Variants in RUFY4 observed in about 807,000 individuals in gnomAD.
RUFY4 encodes the protein RUN and FYVE domain-containing protein 4.
Under a neutral mutation model 69.0 loss-of-function variants are expected in RUFY4, and 73 were observed. The ratio of observed to expected loss-of-function variants is 1.06; its 90% CI spans 0.88 to 1.29. The LOEUF is 1.29. Among genes scored for constraint, RUFY4 ranks in the 50% most tolerant of loss-of-function variants. RUFY4 has a pLI of 0.00. For missense variants in RUFY4, 770 were observed against 705.6 expected, an observed-to-expected ratio of 1.09 and a Z score of -1.03; for synonymous variants, 287 against 271.8, an observed-to-expected ratio of 1.06 and a Z score of -0.55.
At chr2:218,086,374 C>T (rs544951982) in intron 9 of RUFY4, among the ~76,000 whole-genome samples, 1 of 152,082 alleles carries the variant, frequency 6.6e-6, no homozygotes, top group Non-Finnish European at 1.5e-5. Context: ...AAAAACAAAA[C>T]AAACAAAGCC....
At chr2:218,075,394 G>A (rs1173969448) in exon 7 of RUFY4, 4 of 1,613,118 alleles carry the variant, frequency 2.5e-6, no homozygotes, top group East Asian at 4.5e-5. Flanking sequence ...CAGGGGAAGG[G>A]GGCTATGGGC....
chr2:218,051,949 T>A (rs1042689036), intron 2 of RUFY4, among the ~76,000 whole-genome samples: 1 of 152,248 alleles, frequency 6.6e-6, no homozygotes, highest in Non-Finnish European at 1.5e-5. Flanking sequence ...TTAAATTTTC[T>A]ACATAATTTC....
intron 2 of RUFY4, among the ~76,000 whole-genome samples, chr2:218,054,205 C>A (rs938286700): frequency 6.6e-6 from 1 of 152,160 alleles, no homozygotes; most frequent in African/African-American, 2.4e-5. Flanking sequence ...CATCTGCAAT[C>A]AGATTCATAA....
chr2:218,067,620 G>A (rs935936680), upstream of RUFY4, among the ~76,000 whole-genome samples: 1 of 152,144 alleles, frequency 6.6e-6, no homozygotes, highest in Non-Finnish European at 1.5e-5. Context: ...GAGGAGGGAG[G>A]GAGTCACAGG....
At chr2:218,036,363 C>A (rs1408871299) in intron 2 of RUFY4, among the ~76,000 whole-genome samples, 2 of 152,156 alleles carry the variant, frequency 1.3e-5, no homozygotes, top group African/African-American at 4.8e-5. Flanking sequence ...GGCAGTGAGA[C>A]TCAGGGTTCT....
intron 3 of RUFY4, chr2:218,060,954 G>A: frequency 2.4e-6 from 2 of 843,700 alleles, no homozygotes; most frequent in Middle Eastern, 2.2e-4. Context: ...GCGCTGCTGG[G>A]TCAGTGTGCG....
intron 2 of RUFY4, among the ~76,000 whole-genome samples, chr2:218,048,497 T>G (rs774713563): frequency 4.6e-5 from 7 of 152,224 alleles, no homozygotes; most frequent in Middle Eastern, 3.2e-3. Flanking sequence ...GTTTTCATCA[T>G]GAAATCTTTG....
chr2:218,075,506 G>C, exon 7 of RUFY4: 1 of 1,576,000 alleles, frequency 6.3e-7, no homozygotes, highest in Non-Finnish European at 8.6e-7. Flanking sequence ...AGGAAGCAGA[G>C]TGGAGTCACG....
intron 8 of RUFY4, among the ~76,000 whole-genome samples, chr2:218,077,613 G>T (rs1185310784): frequency 2.6e-5 from 4 of 152,114 alleles, no homozygotes; most frequent in Non-Finnish European, 5.9e-5. Context: ...CTGCCCACCT[G>T]CCCCTGTCTC....
chr2:218,038,995 G>A (rs1279708814), intron 2 of RUFY4, among the ~76,000 whole-genome samples: 1 of 152,116 alleles, frequency 6.6e-6, no homozygotes, highest in African/African-American at 2.4e-5. Flanking sequence ...GGGAGAGTGG[G>A]CAATCGGTTG....
chr2:218,081,490 A>G (rs1186189830), intron 8 of RUFY4, among the ~76,000 whole-genome samples: 1 of 152,124 alleles, frequency 6.6e-6, no homozygotes, highest in Non-Finnish European at 1.5e-5. Context: ...TTATGAGTCT[A>G]TCATTTATTT....
intron 2 of RUFY4, among the ~76,000 whole-genome samples, chr2:218,046,737 G>A (rs1688839074): frequency 6.6e-6 from 1 of 152,156 alleles, no homozygotes; most frequent in Admixed American, 6.5e-5. Flanking sequence ...AGAAAGTTCA[G>A]CATCACTTAT....
At chr2:218,084,011 G>C (rs1689831006) in intron 9 of RUFY4, among the ~76,000 whole-genome samples, 1 of 152,152 alleles carries the variant, frequency 6.6e-6, no homozygotes, top group Non-Finnish European at 1.5e-5. Context: ...ACCTGCCCTA[G>C]GTCAGCTGTC....
rs1160788095 is a variant in RUFY4, at chr2:218,074,515, A to G, written c.601-578A>G. Among the ~76,000 whole-genome samples the G allele has an allele frequency of 2.0e-5, 3 of 152,192 alleles. No homozygotes were observed. In the East Asian group the frequency reaches 5.8e-4, roughly 29 times the overall value. On this transcript the variant is annotated intron_variant, in intron 6 of 10. Transcript: ENST00000344321. Reference sequence around the variant, plus strand: ...CTTCCAGGCACTGGGTACAGATACTATTAGTTCTCTGGTCCGAAAAGTTCA... The same window carrying G: ...CTTCCAGGCACTGGGTACAGATACTGTTAGTTCTCTGGTCCGAAAAGTTCA...
chr2:218,063,607 CA>C (rs1394729920), intron 3 of RUFY4, among the ~76,000 whole-genome samples: 1 of 152,152 alleles, frequency 6.6e-6, no homozygotes, highest in Non-Finnish European at 1.5e-5. Context: ...AGGAATTAAC[CA>C]GCAGGCAAGG....
intron 10 of RUFY4, 33 bp from the exon 13 acceptor site, chr2:218,089,919 G>A: frequency 6.7e-7 from 1 of 1,498,850 alleles, no homozygotes; most frequent in Non-Finnish European, 9.1e-7. Context: ...AGCTGCAGAG[G>A]CCGCCCCAGG....
rs765136225 is a variant in RUFY4, at chr2:218,060,979, T to C, written c.-1071+2298T>C. The C allele has an allele frequency of 4.7e-5, 38 of 802,448 alleles. 1 individual carries two copies. The highest frequency in any genetic ancestry group is 4.5e-4 in the Middle Eastern group (2 of 4,398). 49.7% of individuals were successfully genotyped at this position (802,448 alleles called of 1,614,324 possible). ...GTCAGTGTGCGTGTGGCATGGACAA[T>C]GGCCAGGTAACAGTCCATGCTGCGG... On this transcript the variant is annotated intron_variant and NMD_transcript_variant, in intron 3 of 13. Transcript: ENST00000457754.
chr2:218,063,396 A>G (rs1430705103), intron 3 of RUFY4, among the ~76,000 whole-genome samples: 1 of 152,226 alleles, frequency 6.6e-6, no homozygotes, highest in East Asian at 1.9e-4. Context: ...GAGGAAGTGG[A>G]AAAGTCAGAA....
chr2:218,066,237 G>A (rs1018393501), upstream of RUFY4, among the ~76,000 whole-genome samples: 51 of 132,356 alleles, frequency 3.9e-4, no homozygotes, highest in Middle Eastern at 4.3e-3. Flanking sequence ...AGGCTGGAGC[G>A]CAGTGGCACA....
Sources: gnomAD v4.1 joint callset for allele counts (sites outside exome capture counted in the v4.1 genomes callset) on GRCh38, gnomAD v4.1.1 for gene constraint, MANE v1.5 for transcripts, NCBI Gene and HGNC (gene_info 2026-07-23, HGNC 2026-07-21) for gene names.